EML6: variants seen among roughly 807,000 people sequenced by gnomAD.
EML6 encodes the protein EMAP like 6.
Under a neutral mutation model 240.1 loss-of-function variants are expected in EML6, and 154 were observed. The observed-to-expected ratio is 0.64, with a 90% CI of 0.56 to 0.73. EML6 has a LOEUF of 0.73. EML6 is among the 30% of genes least tolerant of loss of function. The probability of loss-of-function intolerance (pLI) is 0.00; values close to 1 mark genes in which losing one functional copy is unlikely to be tolerated. For synonymous variants in EML6, 1,148 were observed against 899.0 expected (o/e 1.28, Z -4.95); for missense variants, 2,964 against 2,474.6 (o/e 1.20, Z -4.20).
chr2:54,843,765 C>A (rs1194927291), intron 7 of EML6, among the ~76,000 whole-genome samples: 6 of 150,014 alleles, frequency 4.0e-5, no homozygotes, highest in Non-Finnish European at 7.4e-5. Context: ...ATGGCGTGAA[C>A]CCGGGAGGCG....
intron 2 of EML6, among the ~76,000 whole-genome samples, chr2:54,789,738 C>T (rs1669325083): frequency 6.6e-6 from 1 of 152,132 alleles, no homozygotes; most frequent in Admixed American, 6.6e-5. Flanking sequence ...ATATTCTCAT[C>T]TTGCAGATGA....
chr2:54,879,820 G>T (rs1021683406), intron 17 of EML6, 180 bp downstream of exon 17: 7 of 584,168 alleles, frequency 1.2e-5, no homozygotes, highest in African/African-American at 5.6e-5. Context: ...CTTAGAGCAG[G>T]TCATGTTTGT....
intron 28 of EML6, among the ~76,000 whole-genome samples, chr2:54,947,378 T>C (rs1309019142): frequency 3.9e-5 from 6 of 152,184 alleles, no homozygotes; most frequent in African/African-American, 1.4e-4. Flanking sequence ...AGATGTGCTG[T>C]CTACCCATTC....
At chr2:54,966,909 G>A in intron 38 of EML6, 91 bp from the exon 39 acceptor site, 3 of 795,292 alleles carry the variant, frequency 3.8e-6, no homozygotes, top group Non-Finnish European at 6.2e-6. Context: ...GGGATGCAGA[G>A]GCTGGGCAGT....
chr2:54,917,058 T>C (rs1191369361), intron 26 of EML6, 123 bp downstream of exon 26: 1 of 724,204 alleles, frequency 1.4e-6, no homozygotes, highest in Admixed American at 2.8e-5. Context: ...GTATTATTTA[T>C]GCTGTATAAA....
At chr2:54,863,129 T>C (rs1211805486) in intron 12 of EML6, among the ~76,000 whole-genome samples, 1 of 152,198 alleles carries the variant, frequency 6.6e-6, no homozygotes, top group East Asian at 1.9e-4. Flanking sequence ...TGACAAGAGT[T>C]CTGTGGTGGT....
chr2:54,785,644 C>G (rs1669049728), intron 2 of EML6, among the ~76,000 whole-genome samples: 1 of 152,108 alleles, frequency 6.6e-6, no homozygotes, highest in African/African-American at 2.4e-5. Flanking sequence ...ATTCCATGTA[C>G]TGTCTGTGTG....
At chr2:54,943,864 A>G (rs1573191760) in intron 28 of EML6, among the ~76,000 whole-genome samples, 2 of 152,334 alleles carry the variant, frequency 1.3e-5, no homozygotes, top group Admixed American at 1.3e-4. Context: ...TCCAGTGTGT[A>G]TTTTATAGTT....
In EML6 at chr2:54,791,949, A is replaced by G. The variant is rs542046153; in HGVS notation, c.198-21283A>G. ...AGGAGTAACATGTCTTGTTTGACTCAGAAAATCCTGGCGATCTCTTTCAGG... is the reference window on the plus strand; with the variant it reads ...AGGAGTAACATGTCTTGTTTGACTCGGAAAATCCTGGCGATCTCTTTCAGG... On this transcript the variant is annotated intron_variant, in intron 2 of 41. Transcript: ENST00000356458. Among the ~76,000 whole-genome samples the G allele has an allele frequency of 7.9e-5, 12 of 152,324 alleles. No individual in the cohort carries two copies. The East Asian group carries it at 1.9e-3, about 24-fold the overall frequency.
chr2:54,725,239 CACA>C lies in EML6; in HGVS notation c.181_183del (p.Asn61del), dbSNP rs1682857408. On this transcript the variant is annotated inframe_deletion, in exon 2 of 42. Coordinates refer to ENST00000356458, the MANE Select transcript of EML6 (RefSeq NM_001039753.4). The surrounding 1 kb of genome is among the most constrained non-coding windows in gnomAD (Gnocchi z 4.3). ...GCACAGCCAAAAATTCTTCCTGGGA[CACA>C]ACGACGACATTATCAGGTAAGGGGG... 2.0e-6 allele frequency: 3 copies of C among 1,485,202 alleles called. No homozygotes were observed. The highest frequency in any genetic ancestry group is 1.8e-6 in the Non-Finnish European group (2 of 1,111,790). The allele number at this position is 1,485,202 out of a possible 1,614,324, so 92.0% of individuals were successfully genotyped here.
rs1468191204 is a variant in EML6 at position 54,886,967 on chromosome 2, A to G, written c.2439-4087A>G. 2.0e-5 allele frequency among the ~76,000 whole-genome samples: 3 copies of G among 152,174 alleles called. No homozygotes were observed. In the East Asian group the frequency reaches 5.8e-4, roughly 29 times the overall value. ...CTTCCCAGATGCAAGCAATAGGGGT[A>G]TATTATCTGTAGAGAATTTGAAAAT... On this transcript the variant is annotated intron_variant, in intron 17 of 41. Transcript: ENST00000356458.
chr2:54,958,704 GC>G (rs1214991737), intron 33 of EML6, among the ~76,000 whole-genome samples: 1 of 152,150 alleles, frequency 6.6e-6, no homozygotes, highest in African/African-American at 2.4e-5. Flanking sequence ...GGTGCCCTCA[GC>G]CAATGCAAGC....
At chr2:54,784,543 C>T (rs1321140646) in intron 2 of EML6, among the ~76,000 whole-genome samples, 1 of 152,084 alleles carries the variant, frequency 6.6e-6, no homozygotes, top group Non-Finnish European at 1.5e-5. Context: ...GGGATGCTAC[C>T]CCCACCCCCT....
At chr2:54,775,684 C>T (rs1211716700) in intron 2 of EML6, among the ~76,000 whole-genome samples, 6 of 152,122 alleles carry the variant, frequency 3.9e-5, no homozygotes, top group Non-Finnish European at 8.8e-5. Context: ...GCTATATCCC[C>T]AGGAGAGTGC....
chr2:54,847,682 T>G, intron 9 of EML6, 59 bp downstream of exon 9: 1 of 1,533,876 alleles, frequency 6.5e-7, no homozygotes, highest in Non-Finnish European at 8.8e-7. Context: ...TGTTACAATT[T>G]TCCTGGTCAT....
In EML6 at chr2:54,959,226, G is replaced by C. The variant is rs907044013; in HGVS notation, c.4818G>C (p.Arg1606=). Residue 1606 remains arginine, a synonymous_variant, in exon 34 of 42, where the codon CGG becomes CGC. Coordinates refer to ENST00000356458, the MANE Select transcript of EML6 (RefSeq NM_001039753.4). ...TGTTCACAATGTACACAACCCTTCG[G>C]GATGGACTCATAGTGACCGGCGGAA... is the stretch of plus-strand genomic sequence containing the variant. ...GPVFTMYTTL[R]DGLIVTGGKE... 2 of 1,550,276 alleles carry C rather than the reference G, an allele frequency of 1.3e-6. No homozygotes were observed. The highest frequency in any genetic ancestry group is 2.0e-5 in the Admixed American group (1 of 50,770).
intron 40 of EML6, 125 bp downstream of exon 40, chr2:54,968,406 T>G: frequency 1.1e-6 from 1 of 951,786 alleles, no homozygotes; most frequent in African/African-American, 1.6e-5. Flanking sequence ...AGTGGAAATA[T>G]GGCAATGAGT....
intron 19 of EML6, among the ~76,000 whole-genome samples, chr2:54,894,631 C>T (rs1304087834): frequency 6.6e-6 from 1 of 151,618 alleles, no homozygotes; most frequent in East Asian, 1.9e-4. Flanking sequence ...AGACTGGGCA[C>T]AAGCAGAGCC....
At chr2:54,920,847 G>A (rs1573145220) in intron 26 of EML6, among the ~76,000 whole-genome samples, 1 of 152,206 alleles carries the variant, frequency 6.6e-6, no homozygotes, top group South Asian at 2.1e-4. Context: ...TGCAAGGATG[G>A]TTCGACATAT....
Sources: gnomAD v4.1 joint callset for allele counts (sites outside exome capture counted in the v4.1 genomes callset) on GRCh38, gnomAD v4.1.1 for gene constraint, Gnocchi (gnomAD v3.1) non-coding constraint, MANE v1.5 for transcripts, NCBI Gene and HGNC (gene_info 2026-07-23, HGNC 2026-07-21) for gene names.